Variants in L3MBTL4 observed in about 807,000 individuals in gnomAD.
L3MBTL4 encodes the protein lethal(3)malignant brain tumor-like protein 4.
Under a neutral mutation model 84.5 loss-of-function variants are expected in L3MBTL4, and 70 were observed. The observed-to-expected ratio is 0.83, with a 90% CI of 0.68 to 1.01. The LOEUF is 1.01. L3MBTL4 is among the 50% of genes least tolerant of loss of function. The probability of loss-of-function intolerance (pLI) is 0.00; values close to 1 mark genes in which losing one functional copy is unlikely to be tolerated. For synonymous variants in L3MBTL4, 274 were observed against 259.8 expected, an observed-to-expected ratio of 1.05 and a Z score of -0.52; for missense variants, 715 against 754.8, an observed-to-expected ratio of 0.95 and a Z score of 0.62.
chr18:5,966,521 G>A (rs532954836), intron 17 of L3MBTL4, among the ~76,000 whole-genome samples: 9 of 152,056 alleles, frequency 5.9e-5, no homozygotes, highest in Middle Eastern at 6.8e-3. Context: ...GGGCCCTGCC[G>A]ACCCATCCTC....
intron 13 of L3MBTL4, among the ~76,000 whole-genome samples, chr18:6,148,244 C>A (rs1189274198): frequency 2.0e-5 from 3 of 152,182 alleles, no homozygotes; most frequent in Non-Finnish European, 4.4e-5. Flanking sequence ...ATTTATACCA[C>A]AACCACTTAA....
At chr18:6,029,699 A>C (rs1038959583) in intron 16 of L3MBTL4, 4 of 985,180 alleles carry the variant, frequency 4.1e-6, no homozygotes, top group Non-Finnish European at 4.8e-6. Context: ...AAGTTCACAA[A>C]GGGTAAAATT....
At chr18:6,363,634 C>T (rs962283064) in intron 1 of L3MBTL4, among the ~76,000 whole-genome samples, 2 of 151,816 alleles carry the variant, frequency 1.3e-5, no homozygotes, top group African/African-American at 4.8e-5. Context: ...CCCCTTAAGC[C>T]TCACAGTAAT....
chr18:6,392,966 T>C (rs959752366), intron 1 of L3MBTL4, among the ~76,000 whole-genome samples: 2 of 151,918 alleles, frequency 1.3e-5, no homozygotes, highest in African/African-American at 4.8e-5. Context: ...AAACTACATA[T>C]CAGATACAAT....
At chr18:6,343,085 C>A (rs756420655) in intron 1 of L3MBTL4, among the ~76,000 whole-genome samples, 13 of 151,962 alleles carry the variant, frequency 8.6e-5, no homozygotes, top group Non-Finnish European at 1.5e-4. Flanking sequence ...ACATATAAAG[C>A]AAATATTAAC....
chr18:6,031,979 T>C (rs1214323085), intron 16 of L3MBTL4: 6 of 447,970 alleles, frequency 1.3e-5, no homozygotes, highest in Non-Finnish European at 1.7e-5. Flanking sequence ...ATTTTTTCTT[T>C]CTTTCTTTTT....
chr18:5,966,415 C>T (rs1026277505), intron 17 of L3MBTL4, among the ~76,000 whole-genome samples: 3 of 152,284 alleles, frequency 2.0e-5, no homozygotes, highest in Non-Finnish European at 2.9e-5. Context: ...CCTGCTGCAC[C>T]GCACACTCTG....
intron 12 of L3MBTL4, among the ~76,000 whole-genome samples, chr18:6,176,897 T>C (rs572480436): frequency 2.6e-5 from 4 of 152,234 alleles, no homozygotes; most frequent in Non-Finnish European, 5.9e-5. Flanking sequence ...TTTTAACATC[T>C]CAATATCACT....
In L3MBTL4 at chr18:6,026,795, A is replaced by T. The variant is rs2055527288; in HGVS notation, c.1444+54086T>A. ...TAATATTGAATGTTTAATAACAGTC[A>T]CATTCATAAGTTGAAAATATCTAAG... On this transcript the variant is annotated intron_variant, in intron 16 of 18. Transcript: ENST00000317931. Among the ~76,000 whole-genome samples, 4 of 152,314 alleles carry T rather than the reference A, an allele frequency of 2.6e-5. No individual in the cohort carries two copies. The South Asian group carries it at 8.3e-4, about 32-fold the overall frequency.
chr18:6,223,514 A>G (rs1041740001), intron 10 of L3MBTL4, among the ~76,000 whole-genome samples: 1 of 152,060 alleles, frequency 6.6e-6, no homozygotes, highest in Non-Finnish European at 1.5e-5. Context: ...CAATTTTTAC[A>G]GCACAAACAA....
At chr18:5,998,841 C>G (rs1271300143) in intron 16 of L3MBTL4, among the ~76,000 whole-genome samples, 1 of 152,188 alleles carries the variant, frequency 6.6e-6, no homozygotes, top group Non-Finnish European at 1.5e-5. Flanking sequence ...GGCCAGCTGC[C>G]ACTTGCAGTC....
intron 4 of L3MBTL4, among the ~76,000 whole-genome samples, chr18:6,284,924 G>C (rs1332749289): frequency 6.6e-6 from 1 of 152,220 alleles, no homozygotes; most frequent in Non-Finnish European, 1.5e-5. Context: ...CACAAGTTGG[G>C]GAGTAGGCAC....
chr18:6,293,246 T>G (rs2049946608), intron 4 of L3MBTL4, among the ~76,000 whole-genome samples: 1 of 152,094 alleles, frequency 6.6e-6, no homozygotes, highest in African/African-American at 2.4e-5. Context: ...CTAATAGCAA[T>G]GAACACACCT....
intron 12 of L3MBTL4, among the ~76,000 whole-genome samples, chr18:6,211,754 T>G (rs2046114731): frequency 6.6e-6 from 1 of 151,934 alleles, no homozygotes. Flanking sequence ...GCTCAAGCGA[T>G]TCTTCTGCCT....
intron 15 of L3MBTL4, among the ~76,000 whole-genome samples, chr18:6,085,807 C>T (rs1178520348): frequency 6.6e-6 from 1 of 152,178 alleles, no homozygotes; most frequent in Non-Finnish European, 1.5e-5. Context: ...CTAATACATA[C>T]ATCTACATAC....
chr18:6,147,305 C>A (rs899224581), intron 13 of L3MBTL4, among the ~76,000 whole-genome samples: 31 of 151,870 alleles, frequency 2.0e-4, no homozygotes, highest in Non-Finnish European at 4.4e-5. Context: ...TTAATCATAC[C>A]TATTCTCCTC....
At chr18:5,969,891 G>A (rs1476337690) in intron 16 of L3MBTL4, among the ~76,000 whole-genome samples, 4 of 152,206 alleles carry the variant, frequency 2.6e-5, no homozygotes, top group African/African-American at 9.7e-5. Flanking sequence ...TAAATCAGGA[G>A]TCAGAGGAAT....
intron 14 of L3MBTL4, among the ~76,000 whole-genome samples, chr18:6,106,228 T>C (rs1330911983): frequency 6.6e-6 from 1 of 152,172 alleles, no homozygotes; most frequent in Non-Finnish European, 1.5e-5. Context: ...TGGGGCTAGA[T>C]TTTTCTCTGA....
chr18:6,379,494 G>C (rs1367410989), intron 1 of L3MBTL4, among the ~76,000 whole-genome samples: 1 of 152,010 alleles, frequency 6.6e-6, no homozygotes, highest in African/African-American at 2.4e-5. Context: ...ATGTTCCATC[G>C]ATACCTAGTT....
Sources: allele counts gnomAD v4.1 joint callset (sites outside exome capture counted in the v4.1 genomes callset), GRCh38; gene constraint gnomAD v4.1.1; transcripts MANE v1.5; gene names NCBI Gene and HGNC (gene_info 2026-07-23, HGNC 2026-07-21).